The following MARCHF1 variants were observed in gnomAD, a reference collection of about 807,000 sequenced individuals.
MARCHF1 encodes the protein E3 ubiquitin-protein ligase MARCHF1.
A neutral mutation model predicts 54.2 loss-of-function variants in MARCHF1; 40 were observed. That is an observed-to-expected ratio of 0.74 (90% CI 0.57 to 0.96). MARCHF1 has a LOEUF of 0.96. Ranked by LOEUF, MARCHF1 falls within the 40% of genes least tolerant of loss-of-function variation. The pLI is 0.00. For missense variants in MARCHF1, 586 were observed against 656.5 expected (o/e 0.89, Z 1.17); for synonymous variants, 236 against 236.3 (o/e 1.00, Z 0.01).
intron 2 of MARCHF1, among the ~76,000 whole-genome samples, chr4:164,083,704 T>C (rs1413967919): frequency 1.3e-5 from 2 of 152,098 alleles, no homozygotes; most frequent in Non-Finnish European, 2.9e-5. Flanking sequence ...TTAGGAAATG[T>C]TTTGTGTGAT....
rs539948334 is a variant in MARCHF1, at chr4:164,118,654, T to C, written c.-322-6992A>G. Among the ~76,000 whole-genome samples, 19 of 151,658 alleles carry C rather than the reference T, an allele frequency of 1.3e-4. No homozygotes were observed. In the East Asian group the frequency reaches 3.3e-3, roughly 26 times the overall value. The stretch of plus-strand genomic sequence containing the variant: ...AAATAAAATTCAATTCTGTTCTCAA[T>C]ACAGGAGCCATAGCTAAACAATATT... On this transcript the variant is annotated intron_variant, in intron 1 of 9. Transcript: ENST00000514618.
chr4:163,721,887 A>AT (rs1202549991), intron 4 of MARCHF1, among the ~76,000 whole-genome samples: 2 of 151,944 alleles, frequency 1.3e-5, no homozygotes, highest in East Asian at 3.9e-4. Flanking sequence ...CCCTTTTATC[A>AT]TTTTTTATTG....
chr4:164,350,842 T>C (rs1730287312), intron 1 of MARCHF1, among the ~76,000 whole-genome samples: 1 of 151,706 alleles, frequency 6.6e-6, no homozygotes, highest in Non-Finnish European at 1.5e-5. Flanking sequence ...TGCATTTCCA[T>C]CTGAGGTACC....
chr4:164,019,681 T>G (rs1428517659), intron 2 of MARCHF1, among the ~76,000 whole-genome samples: 1 of 152,192 alleles, frequency 6.6e-6, no homozygotes, highest in Non-Finnish European at 1.5e-5. Context: ...GCAAAACTGC[T>G]TCTGACAATT....
At chr4:163,722,012 T>C (rs1018468025) in intron 4 of MARCHF1, among the ~76,000 whole-genome samples, 2 of 152,154 alleles carry the variant, frequency 1.3e-5, no homozygotes, top group African/African-American at 4.8e-5. Context: ...TGAAGGTGTT[T>C]TTGTGTTTTT....
intron 5 of MARCHF1, among the ~76,000 whole-genome samples, chr4:163,674,966 G>T (rs969782044): frequency 1.3e-5 from 2 of 152,060 alleles, no homozygotes; most frequent in African/African-American, 4.8e-5. Context: ...CTAGATGATA[G>T]CTCTAAAGAT....
chr4:163,850,062 G>T (rs535677074), intron 4 of MARCHF1, among the ~76,000 whole-genome samples: 23 of 152,290 alleles, frequency 1.5e-4, no homozygotes, highest in Admixed American at 1.0e-3. Flanking sequence ...GGAGGAGAAA[G>T]GACTCATTCT....
rs572982477 is a variant in MARCHF1, at chr4:164,189,665, G to A, written c.-322-78003C>T. ...ACATTTGGTATTGAAACTGTGGGAGGTGTCATGATCAAACTGATTCCAAGG... is the reference window on the plus strand; with the variant it reads ...ACATTTGGTATTGAAACTGTGGGAGATGTCATGATCAAACTGATTCCAAGG... On this transcript the variant is annotated intron_variant, in intron 1 of 9. Coordinates refer to ENST00000514618, the MANE Select transcript of MARCHF1 (RefSeq NM_001394959.1). 6.3e-4 allele frequency: 584 copies of A among 930,658 alleles called. 3 individuals carry two copies. Among genetic ancestry groups the A allele is most frequent in the Non-Finnish European group, 6.1e-4 (335 of 552,660 alleles). 57.7% of individuals were successfully genotyped at this position (930,658 alleles called of 1,614,324 possible).
Position 163,646,496 on chromosome 4 carries a change from A to G in MARCHF1, c.163-33103T>C, listed in dbSNP as rs557657682. Among the ~76,000 whole-genome samples the G allele has an allele frequency of 5.3e-5, 8 of 152,220 alleles. No homozygotes were observed. In the South Asian group the frequency reaches 1.7e-3, roughly 32 times the overall value. ...CAAACTCAGATTACCTCAATACTGG[A>G]GTGGTGGTGTATAAATTACTTATAT... On this transcript the variant is annotated intron_variant, in intron 5 of 9. Coordinates refer to ENST00000514618, the MANE Select transcript of MARCHF1 (RefSeq NM_001394959.1).
intron 1 of MARCHF1, among the ~76,000 whole-genome samples, chr4:164,114,014 A>G (rs1755889274): frequency 6.6e-6 from 1 of 152,030 alleles, no homozygotes; most frequent in Admixed American, 6.6e-5. Flanking sequence ...AGGGTCAAAA[A>G]ACATCATTCC....
chr4:163,534,063 A>G (rs1738450694), intron 9 of MARCHF1, among the ~76,000 whole-genome samples: 1 of 152,050 alleles, frequency 6.6e-6, no homozygotes, highest in African/African-American at 2.4e-5. Flanking sequence ...AACATTGCAC[A>G]TCCTAATATA....
At chr4:164,373,500 G>A (rs1030746274) in intron 1 of MARCHF1, among the ~76,000 whole-genome samples, 2 of 151,538 alleles carry the variant, frequency 1.3e-5, no homozygotes, top group African/African-American at 4.8e-5. Context: ...GATTACAGGT[G>A]TGAGCCACCA....
intron 1 of MARCHF1, among the ~76,000 whole-genome samples, chr4:164,312,480 G>GCT (rs1195131736): frequency 3.3e-5 from 5 of 151,352 alleles, no homozygotes; most frequent in African/African-American, 1.2e-4. Flanking sequence ...CCGCCACTAC[G>GCT]CCCAGCTAAT....
At chr4:163,992,692 C>T (rs981935807) in intron 2 of MARCHF1, among the ~76,000 whole-genome samples, 3 of 149,886 alleles carry the variant, frequency 2.0e-5, no homozygotes. Context: ...GAAACCAGAC[C>T]CCAGACCTGG....
chr4:163,897,723 G>C (rs1214792341), intron 3 of MARCHF1, among the ~76,000 whole-genome samples: 1 of 152,086 alleles, frequency 6.6e-6, no homozygotes, highest in Non-Finnish European at 1.5e-5. Context: ...ATTAACTCAA[G>C]ATGGATTAAA....
intron 2 of MARCHF1, among the ~76,000 whole-genome samples, chr4:164,098,387 C>G (rs746063309): frequency 2.8e-4 from 43 of 152,106 alleles, no homozygotes; most frequent in Non-Finnish European, 5.4e-4. Context: ...ACAAAAAACT[C>G]AAGATCACCA....
At chr4:163,543,251 C>T (rs1343319630) in intron 9 of MARCHF1, among the ~76,000 whole-genome samples, 1 of 151,718 alleles carries the variant, frequency 6.6e-6, no homozygotes, top group African/African-American at 2.4e-5. Flanking sequence ...CTGCAGTTTT[C>T]AAGTTAAAAA....
rs1738088642 is a variant in MARCHF1 at position 163,525,927 on chromosome 4, G to T, written c.*2821C>A. On this transcript the variant is annotated 3_prime_UTR_variant, in exon 10 of 10. Transcript: ENST00000514618. Reference sequence around the variant, plus strand: ...AATCAACATTAGATTTTAAATGCAGGTAGTTATTTCAGATGTTTGAACCAT... The same window carrying T: ...AATCAACATTAGATTTTAAATGCAGTTAGTTATTTCAGATGTTTGAACCAT... 1 of 152,078 alleles carries T rather than the reference G, an allele frequency of 6.6e-6. No homozygotes were observed. The highest frequency in any genetic ancestry group is 2.4e-5 in the African/African-American group (1 of 41,436). 9.4% of individuals were successfully genotyped at this position (152,078 alleles called of 1,614,324 possible). A position where few individuals can be genotyped will look rare whatever the true frequency, so the allele number is the denominator to read the frequency against.
intron 4 of MARCHF1, among the ~76,000 whole-genome samples, chr4:163,775,614 G>A (rs1054695718): frequency 2.6e-5 from 4 of 152,118 alleles, no homozygotes; most frequent in Non-Finnish European, 5.9e-5. Flanking sequence ...AGGGAAGGCT[G>A]AAAACAGCAG....
Sources: gnomAD v4.1 joint callset for allele counts (sites outside exome capture counted in the v4.1 genomes callset) on GRCh38, gnomAD v4.1.1 for gene constraint, MANE v1.5 for transcripts, NCBI Gene and HGNC (gene_info 2026-07-23, HGNC 2026-07-21) for gene names.